The following RALYL variants were observed in gnomAD, a reference collection of about 807,000 sequenced individuals.
RALYL encodes RALY RNA binding protein like.
A neutral mutation model predicts 35.1 loss-of-function variants in RALYL; 29 were observed. The observed-to-expected ratio is 0.83, with a 90% CI of 0.61 to 1.13. The LOEUF is 1.13. RALYL is among the 50% of genes most tolerant of loss of function. RALYL has a pLI of 0.00. For missense variants in RALYL, 359 were observed against 360.4 expected, an observed-to-expected ratio of 1.00 and a Z score of 0.03; for synonymous variants, 120 against 127.6, an observed-to-expected ratio of 0.94 and a Z score of 0.40.
chr8:84,681,925 A>G (rs548064659), intron 2 of RALYL, among the ~76,000 whole-genome samples: 3 of 152,302 alleles, frequency 2.0e-5, no homozygotes, highest in Non-Finnish European at 2.9e-5. Context: ...GCCAGTTTTC[A>G]AAGGGAATGC....
chr8:84,592,875 G>A (rs936020714), intron 2 of RALYL, among the ~76,000 whole-genome samples: 2 of 152,142 alleles, frequency 1.3e-5, no homozygotes, highest in Non-Finnish European at 2.9e-5. Flanking sequence ...TAAGGATATT[G>A]CCCACTAATA....
intron 4 of RALYL, among the ~76,000 whole-genome samples, chr8:84,838,831 C>T (rs1230364813): frequency 2.0e-5 from 3 of 152,168 alleles, no homozygotes; most frequent in Non-Finnish European, 4.4e-5. Flanking sequence ...GTATAAGACA[C>T]ATAAGTGGAA....
intron 1 of RALYL, among the ~76,000 whole-genome samples, chr8:84,463,280 ATTAC>A (rs1428787934): frequency 6.6e-6 from 1 of 152,024 alleles, no homozygotes; most frequent in African/African-American, 2.4e-5. Flanking sequence ...AAATGGGTCT[ATTAC>A]TTTCTGTGAC....
chr8:84,380,057 TTGTGTGTGTG>T (rs60900204), intron 1 of RALYL, among the ~76,000 whole-genome samples: 26 of 147,116 alleles, frequency 1.8e-4, no homozygotes, highest in East Asian at 1.2e-3. Flanking sequence ...CTTCTCAAAA[TTGTGTGTGTG>T]TGTGTGTGTG....
intron 2 of RALYL, among the ~76,000 whole-genome samples, chr8:84,614,411 A>G (rs1818976240): frequency 6.6e-6 from 1 of 151,726 alleles, no homozygotes; most frequent in Non-Finnish European, 1.5e-5. Flanking sequence ...CTAGAAGGAC[A>G]CATAAGAGAT....
At chr8:84,225,302 G>A (rs1160019062) in intron 1 of RALYL, among the ~76,000 whole-genome samples, 5 of 152,170 alleles carry the variant, frequency 3.3e-5, no homozygotes, top group African/African-American at 1.2e-4. Context: ...GGACTTTCAT[G>A]TTTACAAGCT....
At chr8:84,687,948 A>G (rs772640812) in intron 2 of RALYL, among the ~76,000 whole-genome samples, 1 of 152,096 alleles carries the variant, frequency 6.6e-6, no homozygotes, top group Non-Finnish European at 1.5e-5. Context: ...CTTTACAGAC[A>G]GAAATAATAT....
At chr8:84,391,871 T>A (rs1860778488) in intron 1 of RALYL, among the ~76,000 whole-genome samples, 1 of 152,006 alleles carries the variant, frequency 6.6e-6, no homozygotes, top group South Asian at 2.1e-4. Flanking sequence ...TCTGCTGAGT[T>A]TTTTCTGATA....
chr8:84,352,482 G>T (rs1047230778), intron 1 of RALYL, among the ~76,000 whole-genome samples: 6 of 150,310 alleles, frequency 4.0e-5, no homozygotes, highest in Non-Finnish European at 5.9e-5. Flanking sequence ...ATTCCTGAGA[G>T]TGTATACCAC....
At chr8:84,495,619 G>A (rs1446330563) in intron 1 of RALYL, among the ~76,000 whole-genome samples, 2 of 152,060 alleles carry the variant, frequency 1.3e-5, no homozygotes, top group African/African-American at 4.8e-5. Flanking sequence ...TACAAGGTAT[G>A]TGATATTTGA....
chr8:84,188,967 T>TC (rs1448645266), intron 1 of RALYL, among the ~76,000 whole-genome samples: 2 of 152,198 alleles, frequency 1.3e-5, no homozygotes, highest in Non-Finnish European at 2.9e-5. Context: ...TGGGACTGAG[T>TC]CCTGGAAAAT....
At chr8:84,311,484 A>G (rs1842803477) in intron 1 of RALYL, among the ~76,000 whole-genome samples, 1 of 152,150 alleles carries the variant, frequency 6.6e-6, no homozygotes, top group South Asian at 2.1e-4. Flanking sequence ...GGGAGAGAAG[A>G]CTCATTTTTT....
intron 2 of RALYL, among the ~76,000 whole-genome samples, chr8:84,622,713 T>C (rs190060517): frequency 1.6e-4 from 25 of 152,240 alleles, no homozygotes; most frequent in Admixed American, 1.6e-3. Context: ...ATCAATGAGG[T>C]AAGGACTCTG....
At chr8:84,440,099 C>A (rs1423082647) in intron 1 of RALYL, among the ~76,000 whole-genome samples, 2 of 152,100 alleles carry the variant, frequency 1.3e-5, no homozygotes, top group Admixed American at 6.6e-5. Context: ...GAGCTTACTG[C>A]AAAATTTCTT....
chr8:84,820,561 G>A (rs1828298829), intron 4 of RALYL, among the ~76,000 whole-genome samples: 1 of 152,078 alleles, frequency 6.6e-6, no homozygotes, highest in South Asian at 2.1e-4. Flanking sequence ...TTTACTCTAA[G>A]TTCTGGGACA....
chr8:84,574,995 A>G (rs1808976083), intron 2 of RALYL, among the ~76,000 whole-genome samples: 2 of 152,208 alleles, frequency 1.3e-5, no homozygotes, highest in African/African-American at 2.4e-5. Context: ...TGTCAGAATA[A>G]TCTAAGATTT....
At position 84,508,836 on chromosome 8, in the gene RALYL, T is replaced by C. The variant is rs552097449; in HGVS notation, c.-23-20463T>C. ...CTTATACCAGGCTGATGATGCATTA[T>C]AAAAATTATAATAAAAACAATCTTT... On this transcript the variant is annotated intron_variant, in intron 1 of 8. Coordinates refer to ENST00000521268, the MANE Select transcript of RALYL (RefSeq NM_173848.7). Among the ~76,000 whole-genome samples, 29 of 132,000 alleles carry C rather than the reference T, an allele frequency of 2.2e-4. No individual in the cohort carries two copies. In the South Asian group the frequency reaches 7.3e-3, roughly 33 times the overall value. 86.6% of individuals were successfully genotyped at this position (132,000 alleles called of 152,430 possible).
At chr8:84,849,593 G>A (rs2134779668) in intron 4 of RALYL, among the ~76,000 whole-genome samples, 1 of 148,102 alleles carries the variant, frequency 6.8e-6, no homozygotes, top group Admixed American at 6.8e-5. Flanking sequence ...GTCTCGCTCT[G>A]TGTCGCCCAG....
chr8:84,388,383 G>T (rs1292525060), intron 1 of RALYL, among the ~76,000 whole-genome samples: 1 of 152,138 alleles, frequency 6.6e-6, no homozygotes, highest in Admixed American at 6.6e-5. Context: ...GGGTCAAATG[G>T]TATTTGTAGT....
Sources: allele counts gnomAD v4.1 joint callset (sites outside exome capture counted in the v4.1 genomes callset), GRCh38; gene constraint gnomAD v4.1.1; transcripts MANE v1.5; gene names NCBI Gene and HGNC (gene_info 2026-07-23, HGNC 2026-07-21).